SEPTIN11: variants seen among roughly 807,000 people sequenced by gnomAD.
SEPTIN11 encodes septin 11, also known as septin-11.
In SEPTIN11, 25 loss-of-function variants were observed where a neutral mutation model predicts 51.4. The observed-to-expected ratio is 0.49, with a 90% confidence interval of 0.35 to 0.68. The LOEUF (loss-of-function observed/expected upper bound fraction) is 0.68. Among genes scored for constraint, SEPTIN11 ranks in the 30% least tolerant of loss-of-function variants. The pLI is 0.00. For synonymous variants in SEPTIN11, 174 were observed against 184.1 expected (o/e 0.95, Z 0.44); for missense variants, 381 against 520.8 (o/e 0.73, Z 2.61).
intron 1 of SEPTIN11, among the ~76,000 whole-genome samples, chr4:76,991,310 A>G (rs1332721390): frequency 2.0e-5 from 3 of 152,224 alleles, no homozygotes; most frequent in African/African-American, 7.2e-5. Context: ...TGAGGGCAGA[A>G]TAGAGACTAA....
intron 3 of SEPTIN11, among the ~76,000 whole-genome samples, chr4:77,006,766 T>C (rs1021036265): frequency 1.3e-5 from 2 of 152,222 alleles, no homozygotes; most frequent in Non-Finnish European, 2.9e-5. Flanking sequence ...CTGTATATTA[T>C]ACACATGTGT....
intron 1 of SEPTIN11, chr4:76,974,611 A>G (rs919295934): frequency 2.3e-5 from 9 of 387,642 alleles, no homozygotes; most frequent in Admixed American, 1.8e-4. Flanking sequence ...TAGATAGGTC[A>G]TTTGTAGACA....
At chr4:76,986,685 CT>C (rs1723051256) in intron 1 of SEPTIN11, among the ~76,000 whole-genome samples, 1 of 152,160 alleles carries the variant, frequency 6.6e-6, no homozygotes, top group African/African-American at 2.4e-5. Flanking sequence ...TTCAACATGA[CT>C]TGGTTCTACT....
intron 1 of SEPTIN11, among the ~76,000 whole-genome samples, chr4:76,966,484 G>A (rs569847365): frequency 5.4e-5 from 8 of 149,096 alleles, no homozygotes; most frequent in African/African-American, 1.2e-4. Context: ...TTTTTTTAAT[G>A]TATAAAGTTT....
At chr4:76,963,763 A>G (rs1721915543) in intron 1 of SEPTIN11, among the ~76,000 whole-genome samples, 2 of 152,202 alleles carry the variant, frequency 1.3e-5, no homozygotes, top group Admixed American at 1.3e-4. Context: ...AAGTATTTAT[A>G]GTCTGATCTT....
intron 5 of SEPTIN11, among the ~76,000 whole-genome samples, chr4:77,015,719 G>T (rs1229472893): frequency 6.6e-6 from 1 of 152,196 alleles, no homozygotes; most frequent in Non-Finnish European, 1.5e-5. Context: ...ATATAGTGGA[G>T]GCCCAGTGAT....
rs1726583211 is a variant in SEPTIN11, at chr4:77,030,971, G to A, written c.1274+1G>A. 2 of 1,599,718 alleles carry A rather than the reference G, an allele frequency of 1.3e-6. No homozygotes were observed. The highest frequency in any genetic ancestry group is 1.4e-5 in the African/African-American group (1 of 73,576). ...CCAAGAAAGACAAGGATAAGAAAAA[G>A]TAAGCAGGTGTCACCCCCCTGTATC... On this transcript the variant is annotated splice_donor_variant, in intron 9 of 9. Coordinates refer to ENST00000264893, the MANE Select transcript of SEPTIN11 (RefSeq NM_018243.4). LOFTEE classifies it high-confidence loss of function.
chr4:76,957,984 T>C (rs1721637119), intron 1 of SEPTIN11, among the ~76,000 whole-genome samples: 1 of 152,180 alleles, frequency 6.6e-6, no homozygotes, highest in South Asian at 2.1e-4. Flanking sequence ...ATAAGCAATA[T>C]GTTCCACTAG....
In SEPTIN11 at chr4:77,010,252, C is replaced by T. The variant is rs146290618; in HGVS notation, c.339-1483C>T. ...AAGGCTGTGCAGCTAGTAAGTTGTGCGGCTGTATTATGGTTTTAGGCTTGA... is the reference window on the plus strand; with the variant it reads ...AAGGCTGTGCAGCTAGTAAGTTGTGTGGCTGTATTATGGTTTTAGGCTTGA... On this transcript the variant is annotated intron_variant, in intron 3 of 9. Coordinates refer to ENST00000264893, the MANE Select transcript of SEPTIN11 (RefSeq NM_018243.4). 4.9e-3 allele frequency among the ~76,000 whole-genome samples: 739 copies of T among 152,114 alleles called. 7 individuals carry two copies. Among genetic ancestry groups the T allele is most frequent in the African/African-American group, 0.017 (702 of 41,490 alleles).
Position 76,950,297 on chromosome 4 carries a change from C to T in SEPTIN11, c.27+367C>T, listed in dbSNP as rs771834744. Among the ~76,000 whole-genome samples the T allele has an allele frequency of 7.2e-4, 110 of 152,216 alleles. 1 individual carries two copies. The highest frequency in any genetic ancestry group is 2.6e-4 in the Admixed American group (4 of 15,282). ...GAAGGGCGCCGGGTTCGGGGCTTTC[C>T]TCCAGTCTCCCCCGCGCCGAGGGGG... On this transcript the variant is annotated intron_variant, in intron 1 of 9. Transcript: ENST00000264893.
intron 1 of SEPTIN11, among the ~76,000 whole-genome samples, chr4:76,988,323 C>T (rs1242658799): frequency 2.0e-5 from 3 of 152,190 alleles, no homozygotes; most frequent in South Asian, 2.1e-4. Context: ...TTACCCTGTA[C>T]GCTCCATGAG....
intron 1 of SEPTIN11, among the ~76,000 whole-genome samples, chr4:76,991,057 C>T (rs1188157800): frequency 2.0e-5 from 3 of 152,074 alleles, no homozygotes; most frequent in East Asian, 1.9e-4. Context: ...TTCATATGTC[C>T]GAGAGCCCTG....
chr4:77,034,404 C>T, intron 9 of SEPTIN11, 93 bp from the exon 10 acceptor site: 2 of 1,065,586 alleles, frequency 1.9e-6, no homozygotes, highest in Admixed American at 3.5e-5. Context: ...GAGCATTCAC[C>T]ATCACTGAAT....
intron 3 of SEPTIN11, chr4:77,009,701 A>G (rs898657083): frequency 6.6e-6 from 1 of 152,234 alleles, no homozygotes; most frequent in Admixed American, 6.5e-5. Context: ...AAACAGAACC[A>G]TATTTGGACT....
At chr4:76,974,718 A>T in intron 1 of SEPTIN11, 1 of 456,514 alleles carries the variant, frequency 2.2e-6, no homozygotes, top group Non-Finnish European at 4.4e-6. Context: ...TGGTTTATTT[A>T]TGGTGAAAAG....
At chr4:77,013,319 T>G (rs985380356) in intron 4 of SEPTIN11, among the ~76,000 whole-genome samples, 1 of 152,202 alleles carries the variant, frequency 6.6e-6, no homozygotes, top group Non-Finnish European at 1.5e-5. Flanking sequence ...CTGAAAATGA[T>G]AATATCAAAG....
At chr4:76,987,711 C>T (rs896931227) in intron 1 of SEPTIN11, 4 of 227,218 alleles carry the variant, frequency 1.8e-5, no homozygotes, top group South Asian at 1.6e-4. Flanking sequence ...GCGGACAGTT[C>T]GTGAGGCCAG....
At chr4:76,973,927 C>T (rs2109905338) in intron 1 of SEPTIN11, among the ~76,000 whole-genome samples, 1 of 152,222 alleles carries the variant, frequency 6.6e-6, no homozygotes, top group East Asian at 1.9e-4. Flanking sequence ...GGCACTATTT[C>T]AATACACCAC....
intron 5 of SEPTIN11, among the ~76,000 whole-genome samples, chr4:77,016,633 C>CATATATATGT: frequency 1.4e-5 from 1 of 72,748 alleles, no homozygotes; most frequent in East Asian, 4.1e-4. Flanking sequence ...TATATATACA[C>CATATATATGT]ATATATATAT....
Sources: gnomAD v4.1 joint callset for allele counts (sites outside exome capture counted in the v4.1 genomes callset) on GRCh38, gnomAD v4.1.1 for gene constraint, MANE v1.5 for transcripts, NCBI Gene and HGNC (gene_info 2026-07-23, HGNC 2026-07-21) for gene names.